MGMT: variants seen among roughly 807,000 people sequenced by gnomAD.
MGMT encodes the protein O-6-methylguanine-DNA methyltransferase.
MGMT carries 14 observed loss-of-function variants against 15.9 expected under a neutral mutation model. The ratio of observed to expected loss-of-function variants is 0.88; its 90% CI spans 0.58 to 1.37. MGMT has a LOEUF of 1.37. MGMT is among the 40% of genes most tolerant of loss of function. The pLI, the probability that MGMT is intolerant of heterozygous loss-of-function variation, is 0.00. For synonymous variants in MGMT, 130 were observed against 118.2 expected (o/e 1.10, Z -0.65); for missense variants, 282 against 268.1 (o/e 1.05, Z -0.36).
chr10:129,568,220 T>C (rs916243839), intron 2 of MGMT, among the ~76,000 whole-genome samples: 1 of 152,232 alleles, frequency 6.6e-6, no homozygotes, highest in Non-Finnish European at 1.5e-5. Flanking sequence ...TTGAGGTTTT[T>C]GGTGCTTTTT....
intron 2 of MGMT, among the ~76,000 whole-genome samples, chr10:129,549,602 T>C (rs1384779072): frequency 2.6e-5 from 4 of 152,228 alleles, no homozygotes; most frequent in Non-Finnish European, 5.9e-5. Context: ...CTTTTCTTTT[T>C]GACAAATTGT....
intron 2 of MGMT, among the ~76,000 whole-genome samples, chr10:129,593,468 G>A (rs996269128): frequency 5.3e-5 from 8 of 152,312 alleles, no homozygotes; most frequent in South Asian, 2.1e-4. Context: ...TGTTGCCGAC[G>A]AATCTGAGAG....
At chr10:129,758,675 G>A (rs993829332) in intron 3 of MGMT, among the ~76,000 whole-genome samples, 7 of 152,166 alleles carry the variant, frequency 4.6e-5, no homozygotes, top group African/African-American at 1.4e-4. Context: ...CAGCCCCTGC[G>A]TACTGTGGTG....
chr10:129,610,558 T>C (rs1846948135), intron 2 of MGMT, among the ~76,000 whole-genome samples: 1 of 152,262 alleles, frequency 6.6e-6, no homozygotes. Flanking sequence ...TTCTGGACTT[T>C]TTCCTTGCTC....
At chr10:129,607,078 G>A (rs565582050) in intron 2 of MGMT, among the ~76,000 whole-genome samples, 33 of 152,294 alleles carry the variant, frequency 2.2e-4, no homozygotes, top group African/African-American at 5.5e-4. Flanking sequence ...GGCACCCTCC[G>A]GTTTGGGAGG....
rs1296352229 is a variant in MGMT at position 129,769,776 on chromosome 10, C to T, written c.*2779C>T. Among the ~76,000 whole-genome samples, 1 of 152,174 alleles carries T rather than the reference C, an allele frequency of 6.6e-6. No homozygotes were observed. Among genetic ancestry groups the T allele is most frequent in the Non-Finnish European group, 1.5e-5 (1 of 68,040 alleles). On this transcript the variant is annotated 3_prime_UTR_variant, in exon 5 of 5. Transcript: ENST00000651593. The stretch of plus-strand genomic sequence containing the variant: ...ATTCCACGTGTCCTGTGGCCGCCTC[C>T]AGTGGTGAGTCTGTGAGGCCAGAGA...
chr10:129,762,982 A>G (rs954153505), intron 4 of MGMT, among the ~76,000 whole-genome samples: 1 of 152,190 alleles, frequency 6.6e-6, no homozygotes, highest in African/African-American at 2.4e-5. Flanking sequence ...TGCTGCCCAG[A>G]AGAACAAAGG....
chr10:129,672,989 A>G (rs1345857718), intron 2 of MGMT, among the ~76,000 whole-genome samples: 7 of 152,114 alleles, frequency 4.6e-5, no homozygotes, highest in Non-Finnish European at 8.8e-5. Flanking sequence ...AACCCTAGGG[A>G]TTAATACGAT....
intron 2 of MGMT, among the ~76,000 whole-genome samples, chr10:129,705,167 C>A (rs1848146152): frequency 6.6e-6 from 1 of 152,232 alleles, no homozygotes; most frequent in Admixed American, 6.5e-5. Context: ...TGCCCCTGGG[C>A]ATGTCTGCTG....
At chr10:129,620,074 A>C (rs1323375620) in intron 2 of MGMT, among the ~76,000 whole-genome samples, 2 of 152,224 alleles carry the variant, frequency 1.3e-5, no homozygotes, top group Non-Finnish European at 2.9e-5. Flanking sequence ...TTTGGAGGAC[A>C]GAGACATTGG....
At chr10:129,646,804 T>TCTTGTCTG (rs1847400640) in intron 2 of MGMT, among the ~76,000 whole-genome samples, 1 of 144,926 alleles carries the variant, frequency 6.9e-6, no homozygotes, top group South Asian at 2.2e-4. Flanking sequence ...TTGTCAGGCG[T>TCTTGTCTG]CTTGTCTGCT....
At chr10:129,696,369 G>T (rs777981797) in intron 2 of MGMT, among the ~76,000 whole-genome samples, 3 of 152,152 alleles carry the variant, frequency 2.0e-5, no homozygotes, top group Non-Finnish European at 4.4e-5. Flanking sequence ...ACCAAGTTCT[G>T]TGTCTTCAAA....
At chr10:129,662,960 C>CA (rs1173314097) in intron 2 of MGMT, among the ~76,000 whole-genome samples, 1 of 152,150 alleles carries the variant, frequency 6.6e-6, no homozygotes, top group African/African-American at 2.4e-5. Flanking sequence ...CGGAAATTGT[C>CA]AGAGATGTTA....
chr10:129,730,303 A>G (rs1848481338), intron 3 of MGMT, among the ~76,000 whole-genome samples: 1 of 151,948 alleles, frequency 6.6e-6, no homozygotes, highest in Non-Finnish European at 1.5e-5. Context: ...GGCCCTAATG[A>G]CTCTGGGCAA....
chr10:129,646,754 A>ATATATATATATATATATTTTTTTTTTTTT, intron 2 of MGMT, among the ~76,000 whole-genome samples: 26 of 86,616 alleles, frequency 3.0e-4, no homozygotes, highest in Middle Eastern at 5.5e-3. Flanking sequence ...ATATATATAT[A>ATATATATATATATATATTTTTTTTTTTTT]TTTTCAGGGA....
chr10:129,498,185 G>C (rs1845541952), intron 1 of MGMT, among the ~76,000 whole-genome samples: 4 of 152,260 alleles, frequency 2.6e-5, no homozygotes, highest in African/African-American at 9.6e-5. Context: ...TGCCCCCTTG[G>C]GCCATCCTGT....
intron 1 of MGMT, among the ~76,000 whole-genome samples, chr10:129,526,396 G>C (rs778942175): frequency 6.6e-6 from 1 of 152,006 alleles, no homozygotes; most frequent in Non-Finnish European, 1.5e-5. Context: ...AGTCAGACAC[G>C]GTCCTCTTCC....
chr10:129,758,371 G>T (rs1241577311), intron 3 of MGMT, among the ~76,000 whole-genome samples: 1 of 152,062 alleles, frequency 6.6e-6, no homozygotes, highest in Non-Finnish European at 1.5e-5. Context: ...GGAGGACATG[G>T]CTCTGTCTCC....
At chr10:129,487,502 G>T (rs1405629256) in intron 1 of MGMT, among the ~76,000 whole-genome samples, 3 of 151,984 alleles carry the variant, frequency 2.0e-5, no homozygotes, top group African/African-American at 7.3e-5. Context: ...ACTTTTGGTA[G>T]AAAGGAAATT....
Sources: gnomAD v4.1 joint callset for allele counts (sites outside exome capture counted in the v4.1 genomes callset) on GRCh38, gnomAD v4.1.1 for gene constraint, MANE v1.5 for transcripts, NCBI Gene and HGNC (gene_info 2026-07-23, HGNC 2026-07-21) for gene names.